The following TMPRSS12 variants were observed in gnomAD, a reference collection of about 807,000 sequenced individuals.
TMPRSS12 encodes transmembrane serine protease 12.
Under a neutral mutation model 26.0 loss-of-function variants are expected in TMPRSS12, and 25 were observed. The observed-to-expected ratio is 0.96, with a 90% confidence interval of 0.70 to 1.34. TMPRSS12 has a LOEUF of 1.34. Among genes scored for constraint, TMPRSS12 ranks in the 40% most tolerant of loss-of-function variants. The probability of loss-of-function intolerance (pLI) is 0.00; values close to 1 mark genes in which losing one functional copy is unlikely to be tolerated. For synonymous variants in TMPRSS12, 150 were observed against 161.7 expected (o/e 0.93, Z 0.55); for missense variants, 441 against 440.1 (o/e 1.00, Z -0.02).
chr12:50,843,274 C>A, intron 1 of TMPRSS12, 123 bp downstream of exon 1: 1 of 971,596 alleles, frequency 1.0e-6, no homozygotes, highest in Non-Finnish European at 1.4e-6. Flanking sequence ...ATTTTACATA[C>A]CTAAGCAGTT....
At chr12:50,858,708 G>A in intron 2 of TMPRSS12, 77 bp from the exon 3 acceptor site, 3 of 1,162,716 alleles carry the variant, frequency 2.6e-6, no homozygotes, top group Non-Finnish European at 3.4e-6. Flanking sequence ...AACATGAGAA[G>A]AAAACTAGTG....
chr12:50,885,584 G>A (rs79213577), intron 4 of TMPRSS12, 196 bp downstream of exon 4: 44,337 of 673,406 alleles, frequency 0.066, 1,690 homozygotes, highest in Middle Eastern at 0.12. Context: ...TCATCAGTAG[G>A]CAGAATTTAC....
chr12:50,843,171 G>C lies in TMPRSS12; in HGVS notation c.187+20G>C, dbSNP rs367963273. ...CAGAGGGCAGTACCTGTTCGTGCCT[G>C]TCTCTGGGGAGCCTCTCTTACCTTT... On this transcript the variant is annotated intron_variant, in intron 1 of 4. Transcript: ENST00000398458. 2.6e-6 allele frequency: 4 copies of C among 1,533,808 alleles called. No homozygotes were observed. The African/African-American group carries it at 5.5e-5, about 21-fold the overall frequency.
intron 2 of TMPRSS12, among the ~76,000 whole-genome samples, chr12:50,855,364 A>G (rs1388092573): frequency 6.6e-6 from 1 of 152,220 alleles, no homozygotes; most frequent in Non-Finnish European, 1.5e-5. Flanking sequence ...ATTAGCAAGC[A>G]AAAACCAGAC....
rs569872870 is a variant in TMPRSS12 at position 50,872,684 on chromosome 12, A to ATG, written c.653-12561_653-12560dup. Among the ~76,000 whole-genome samples the ATG allele has an allele frequency of 1.8e-3, 68 of 37,856 alleles. 1 individual carries two copies. Among genetic ancestry groups the ATG allele is most frequent in the South Asian group, 8.6e-3 (7 of 814 alleles). 24.8% of individuals were successfully genotyped at this position (37,856 alleles called of 152,430 possible). A position where few individuals can be genotyped will look rare whatever the true frequency, so the allele number is the denominator to read the frequency against. ...GTATATGTACATATATATGACGTAT[A>ATG]TGCACATATATATGACGTATATGTG... On this transcript the variant is annotated intron_variant, in intron 3 of 4. Transcript: ENST00000398458.
At chr12:50,870,753 G>A (rs922367663) in intron 3 of TMPRSS12, among the ~76,000 whole-genome samples, 6 of 150,458 alleles carry the variant, frequency 4.0e-5, no homozygotes, top group Non-Finnish European at 8.9e-5. Context: ...ATTCAGCAAA[G>A]TTTCCAGATA....
intron 3 of TMPRSS12, among the ~76,000 whole-genome samples, chr12:50,877,077 A>G (rs1042309115): frequency 8.5e-5 from 13 of 152,102 alleles, no homozygotes; most frequent in Non-Finnish European, 1.9e-4. Context: ...GGAGGGGCCA[A>G]GGGCTAAAAA....
At chr12:50,883,903 G>A (rs534839264) in intron 3 of TMPRSS12, among the ~76,000 whole-genome samples, 21 of 152,104 alleles carry the variant, frequency 1.4e-4, no homozygotes, top group Non-Finnish European at 4.4e-5. Context: ...TCGGGAGGTT[G>A]AGGTGGGAGG....
chr12:50,883,923 G>T (rs1401479572), intron 3 of TMPRSS12, among the ~76,000 whole-genome samples: 1 of 152,090 alleles, frequency 6.6e-6, no homozygotes, highest in Non-Finnish European at 1.5e-5. Context: ...GATTGCTTGA[G>T]CCCAGGAGTT....
Position 50,887,316 on chromosome 12 carries a change from G to T in TMPRSS12, c.850G>T (p.Val284Leu), listed in dbSNP as rs1032513690. Residue 284 changes from valine (V) to leucine (L), a missense_variant, in exon 5 of 5, where the codon GTA becomes TTA. Coordinates refer to ENST00000398458, the MANE Select transcript of TMPRSS12 (RefSeq NM_182559.3). ...CTTACCAGAATATAAAAGATTTTTT[G>T]TAATGGGAATTACCAGTTACGGACA... ...CYLPEYKRFF[V>L]MGITSYGHGC... 1 of 1,613,858 alleles carries T rather than the reference G, an allele frequency of 6.2e-7. No homozygotes were observed. Among genetic ancestry groups the T allele is most frequent in the Non-Finnish European group, 8.5e-7 (1 of 1,179,844 alleles).
intron 2 of TMPRSS12, among the ~76,000 whole-genome samples, chr12:50,851,095 C>A (rs1344534719): frequency 2.0e-5 from 3 of 152,174 alleles, no homozygotes; most frequent in African/African-American, 4.8e-5. Flanking sequence ...AATAACAGTC[C>A]ACACAGATGA....
At chr12:50,871,646 AACAGACAACCC>A (rs1938043606) in intron 3 of TMPRSS12, among the ~76,000 whole-genome samples, 1 of 152,202 alleles carries the variant, frequency 6.6e-6, no homozygotes, top group African/African-American at 2.4e-5. Flanking sequence ...CAGCAGAGTA[AACAGACAACCC>A]ACAGAGTGAG....
intron 2 of TMPRSS12, among the ~76,000 whole-genome samples, chr12:50,844,373 T>C (rs544746874): frequency 6.6e-5 from 10 of 151,912 alleles, no homozygotes; most frequent in Admixed American, 6.6e-4. Flanking sequence ...AATCCTTTAT[T>C]TTTTACTTTT....
intron 1 of TMPRSS12, 81 bp downstream of exon 1, chr12:50,843,232 CT>C: frequency 7.1e-7 from 1 of 1,407,750 alleles, no homozygotes; most frequent in Non-Finnish European, 9.3e-7. Flanking sequence ...CGGGTTTCTC[CT>C]TTTCTGTTGT....
intron 3 of TMPRSS12, among the ~76,000 whole-genome samples, chr12:50,876,532 C>T (rs531920350): frequency 3.3e-5 from 5 of 152,196 alleles, no homozygotes; most frequent in South Asian, 2.1e-4. Flanking sequence ...AGGCCGGGTG[C>T]GGTGGCTCAC....
chr12:50,886,216 T>G (rs1162130753), intron 4 of TMPRSS12: 1 of 152,218 alleles, frequency 6.6e-6, no homozygotes, highest in Non-Finnish European at 1.5e-5. Context: ...ACCAGATACA[T>G]AATGTACAAA....
At chr12:50,862,227 A>G (rs1008672768) in intron 3 of TMPRSS12, among the ~76,000 whole-genome samples, 3 of 152,198 alleles carry the variant, frequency 2.0e-5, no homozygotes, top group Admixed American at 2.0e-4. Context: ...GGTAGTTTAC[A>G]TGTACATACC....
intron 2 of TMPRSS12, 86 bp downstream of exon 2, chr12:50,844,123 C>A: frequency 7.9e-7 from 1 of 1,265,338 alleles, no homozygotes; most frequent in Non-Finnish European, 1.1e-6. Context: ...CCATTTTCAG[C>A]TAAGCTATGT....
At chr12:50,847,357 C>T (rs1206737571) in intron 2 of TMPRSS12, among the ~76,000 whole-genome samples, 1 of 151,968 alleles carries the variant, frequency 6.6e-6, no homozygotes, top group Non-Finnish European at 1.5e-5. Context: ...GTGCCCGGCC[C>T]CTAAAAACTC....
Sources: gnomAD v4.1 joint callset for allele counts (sites outside exome capture counted in the v4.1 genomes callset) on GRCh38, gnomAD v4.1.1 for gene constraint, MANE v1.5 for transcripts, NCBI Gene and HGNC (gene_info 2026-07-23, HGNC 2026-07-21) for gene names.